Variants in CLIC5 observed in about 807,000 individuals in gnomAD.
CLIC5 encodes CLIC family member 5.
A neutral mutation model predicts 24.7 loss-of-function variants in CLIC5; 20 were observed. That is an observed-to-expected ratio of 0.81 (90% CI 0.57 to 1.18). The LOEUF is 1.18. Among genes scored for constraint, CLIC5 ranks in the 50% most tolerant of loss-of-function variants. The pLI, the probability that CLIC5 is intolerant of heterozygous loss-of-function variation, is 0.00. For missense variants in CLIC5, 341 were observed against 326.1 expected (o/e 1.05, Z -0.35); for synonymous variants, 159 against 135.6 (o/e 1.17, Z -1.20).
intron 4 of CLIC5, among the ~76,000 whole-genome samples, chr6:45,931,074 G>A (rs1273336799): frequency 6.6e-6 from 1 of 152,240 alleles, no homozygotes; most frequent in African/African-American, 2.4e-5. Context: ...TTCATGAAGT[G>A]AGAATGATGT....
chr6:46,124,164 A>G, the CLIC5 span, among the ~76,000 whole-genome samples: 1 of 152,136 alleles, frequency 6.6e-6, no homozygotes, highest in Non-Finnish European at 1.5e-5. Context: ...GAGGCATCAC[A>G]CTACCTGACT....
intron 6 of CLIC5, among the ~76,000 whole-genome samples, chr6:45,891,632 T>TC (rs1554142108): frequency 1.1e-5 from 1 of 87,796 alleles, no homozygotes; most frequent in Non-Finnish European, 2.2e-5. Context: ...AGATTTCATT[T>TC]CAAAAAAAAA....
chr6:45,900,012 G>A lies in CLIC5; in HGVS notation c.*3076C>T, dbSNP rs1762468595. 6.6e-6 allele frequency: 1 copy of A among 152,132 alleles called. No homozygotes were observed. Among genetic ancestry groups the A allele is most frequent in the Non-Finnish European group, 1.5e-5 (1 of 68,022 alleles). 9.4% of individuals were successfully genotyped at this position (152,132 alleles called of 1,614,324 possible). On this transcript the variant is annotated 3_prime_UTR_variant, in exon 6 of 6. Coordinates refer to ENST00000339561, the MANE Select transcript of CLIC5 (RefSeq NM_016929.5). ...ATCAAGCATTTGACTTTCTTTATCA[G>A]GAGATGAAGAAACTGTGCTTTGGAT...
the CLIC5 span, among the ~76,000 whole-genome samples, chr6:46,109,399 G>A: frequency 6.6e-6 from 1 of 151,774 alleles, no homozygotes; most frequent in African/African-American, 2.4e-5. Flanking sequence ...GATGTGTTCT[G>A]CCTGGTGCGG....
At position 45,905,581 on chromosome 6, in the gene CLIC5, T is replaced by A. The variant is rs531591202; in HGVS notation, c.589-2326A>T. ...CCCACTTTTTAATGGTATTATTTGT[T>A]TTTTTCTTATTCAATTGTTTAAGTT... On this transcript the variant is annotated intron_variant, in intron 5 of 5. Transcript: ENST00000339561. 1.2e-3 allele frequency among the ~76,000 whole-genome samples: 190 copies of A among 152,176 alleles called. 1 individual carries two copies. Among genetic ancestry groups the A allele is most frequent in the Middle Eastern group, 6.8e-3 (2 of 294 alleles).
chr6:46,020,344 C>G (rs977094374), upstream of CLIC5, among the ~76,000 whole-genome samples: 1 of 152,074 alleles, frequency 6.6e-6, no homozygotes, highest in Non-Finnish European at 1.5e-5. Context: ...AACAAGGAAG[C>G]CTCAAGGATT....
At chr6:45,882,610 C>G (rs1762272873) in intron 6 of CLIC5, among the ~76,000 whole-genome samples, 1 of 152,182 alleles carries the variant, frequency 6.6e-6, no homozygotes, top group Non-Finnish European at 1.5e-5. Context: ...TTTACTGTAA[C>G]TCATTAATAG....
At chr6:46,109,737 G>T in the CLIC5 span, among the ~76,000 whole-genome samples, 2 of 152,004 alleles carry the variant, frequency 1.3e-5, no homozygotes, top group African/African-American at 4.8e-5. Flanking sequence ...CAACAATAGG[G>T]TAAAGTATAC....
chr6:45,931,980 C>T (rs555937494), intron 4 of CLIC5, among the ~76,000 whole-genome samples: 18 of 152,134 alleles, frequency 1.2e-4, no homozygotes, highest in African/African-American at 3.9e-4. Flanking sequence ...ATAATAGTGT[C>T]GTACAATCAA....
chr6:45,929,307 C>T (rs938659966), intron 4 of CLIC5, among the ~76,000 whole-genome samples: 6 of 152,178 alleles, frequency 3.9e-5, no homozygotes, highest in Non-Finnish European at 8.8e-5. Flanking sequence ...ATGGGAGGGA[C>T]CAGAGGAAGC....
chr6:46,098,247 T>G, the CLIC5 span, among the ~76,000 whole-genome samples: 1 of 152,230 alleles, frequency 6.6e-6, no homozygotes, highest in Admixed American at 6.5e-5. Context: ...TTCCACCTCT[T>G]AGCAATACTT....
chr6:45,882,171 C>G (rs894953482), intron 6 of CLIC5, among the ~76,000 whole-genome samples: 3 of 152,122 alleles, frequency 2.0e-5, no homozygotes, highest in Non-Finnish European at 4.4e-5. Flanking sequence ...TCCCAATTAC[C>G]AAAAACACCC....
chr6:46,088,134 C>T, the CLIC5 span, among the ~76,000 whole-genome samples: 1 of 150,318 alleles, frequency 6.7e-6, no homozygotes, highest in Non-Finnish European at 1.5e-5. Context: ...AAAGCAAACT[C>T]TATCAGCGTA....
intron 1 of CLIC5, among the ~76,000 whole-genome samples, chr6:45,956,470 G>GTTT (rs35101536): frequency 1.5e-5 from 2 of 135,436 alleles, no homozygotes; most frequent in Non-Finnish European, 3.2e-5. Context: ...GGCTTACTGA[G>GTTT]TTTTTTTTTT....
At chr6:46,028,962 C>G (rs1260979373) in intron 1 of CLIC5, among the ~76,000 whole-genome samples, 1 of 152,122 alleles carries the variant, frequency 6.6e-6, no homozygotes, top group Admixed American at 6.6e-5. Flanking sequence ...TGTGCCCTGC[C>G]TATTCATTCC....
intron 1 of CLIC5, among the ~76,000 whole-genome samples, chr6:46,059,982 G>T (rs985527037): frequency 1.3e-5 from 2 of 152,130 alleles, no homozygotes; most frequent in African/African-American, 4.8e-5. Flanking sequence ...ATTTTGATTT[G>T]ATTTTTGTAT....
chr6:46,096,267 G>A, the CLIC5 span, among the ~76,000 whole-genome samples: 1 of 152,172 alleles, frequency 6.6e-6, no homozygotes. Context: ...CAACACTGGG[G>A]ATTACAATTT....
chr6:45,928,444 G>A (rs971695965), intron 4 of CLIC5, among the ~76,000 whole-genome samples: 35 of 152,260 alleles, frequency 2.3e-4, no homozygotes, highest in Admixed American at 3.9e-4. Context: ...CTTGGAAAAA[G>A]TTTCCTCAAA....
rs186102583 is a variant in CLIC5 at position 45,986,421 on chromosome 6, A to T, written c.63+29059T>A. On this transcript the variant is annotated intron_variant, in intron 1 of 5. Transcript: ENST00000339561. ...TAGCTGTGTGACCTCAGGCAGGTAA[A>T]AATCCTGCCATGCATTCATTCTGAT... Among the ~76,000 whole-genome samples, 32 of 152,280 alleles carry T rather than the reference A, an allele frequency of 2.1e-4. No homozygotes were observed. The East Asian group carries it at 5.8e-3, about 28-fold the overall frequency.
Sources: allele counts gnomAD v4.1 joint callset (sites outside exome capture counted in the v4.1 genomes callset), GRCh38; gene constraint gnomAD v4.1.1; transcripts MANE v1.5; gene names NCBI Gene and HGNC (gene_info 2026-07-23, HGNC 2026-07-21).